The following TNKS variants were observed in gnomAD, a reference collection of about 807,000 sequenced individuals.
TNKS encodes the protein poly [ADP-ribose] polymerase tankyrase-1.
Under a neutral mutation model 135.8 loss-of-function variants are expected in TNKS, and 72 were observed. The observed-to-expected ratio is 0.53, with a 90% CI of 0.44 to 0.64. The LOEUF is 0.64. Ranked by LOEUF, TNKS falls within the 30% of genes least tolerant of loss-of-function variation. The pLI, the probability that TNKS is intolerant of heterozygous loss-of-function variation, is 0.00. For missense variants in TNKS, 1,769 were observed against 1,674.0 expected, an observed-to-expected ratio of 1.06 and a Z score of -0.99; for synonymous variants, 849 against 649.3, an observed-to-expected ratio of 1.31 and a Z score of -4.68.
intron 3 of TNKS, among the ~76,000 whole-genome samples, chr8:9,621,340 T>A (rs538114571): frequency 6.6e-6 from 1 of 151,914 alleles, no homozygotes; most frequent in South Asian, 2.1e-4. Flanking sequence ...GTTTCACTCT[T>A]GTTGCCCAGG....
intron 3 of TNKS, among the ~76,000 whole-genome samples, chr8:9,652,975 T>G (rs57580633): frequency 0.091 from 13,873 of 152,244 alleles, 703 homozygotes; most frequent in South Asian, 0.17. Context: ...GTTATCCTCC[T>G]TGTTAGAACT....
rs942497130 is a variant in TNKS at position 9,777,632 on chromosome 8, A to G, written c.*896A>G. On this transcript the variant is annotated 3_prime_UTR_variant, in exon 27 of 27. Coordinates refer to ENST00000310430, the MANE Select transcript of TNKS (RefSeq NM_003747.3). ...GGGGAGGCTGTGAAGGAAGAGCTGCATTAAGGAGGGTGAGGAGCGTGTGGT... is the reference window on the plus strand; with the variant it reads ...GGGGAGGCTGTGAAGGAAGAGCTGCGTTAAGGAGGGTGAGGAGCGTGTGGT... The G allele has an allele frequency of 3.9e-5, 6 of 152,500 alleles. No homozygotes were observed. Among genetic ancestry groups the G allele is most frequent in the Admixed American group, 2.0e-4 (3 of 15,296 alleles). 9.4% of individuals were successfully genotyped at this position (152,500 alleles called of 1,614,324 possible). A position where few individuals can be genotyped will look rare whatever the true frequency, so the allele number is the denominator to read the frequency against.
intron 3 of TNKS, among the ~76,000 whole-genome samples, chr8:9,667,336 C>G (rs966908835): frequency 1.3e-5 from 2 of 152,138 alleles, no homozygotes; most frequent in Non-Finnish European, 2.9e-5. Flanking sequence ...ATGAACAAAG[C>G]GTATTGTGAT....
intron 3 of TNKS, among the ~76,000 whole-genome samples, chr8:9,659,240 A>G (rs1462872263): frequency 6.6e-6 from 1 of 152,238 alleles, no homozygotes; most frequent in Non-Finnish European, 1.5e-5. Context: ...TGGACCTAAT[A>G]GACATCTACA....
intron 3 of TNKS, among the ~76,000 whole-genome samples, chr8:9,624,411 T>C (rs1799981079): frequency 6.6e-6 from 1 of 152,254 alleles, no homozygotes; most frequent in Non-Finnish European, 1.5e-5. Flanking sequence ...TTCTTCAAGA[T>C]TTTTATTAAA....
chr8:9,734,470 CT>C (rs1805591137), intron 15 of TNKS, among the ~76,000 whole-genome samples: 1 of 26,590 alleles, frequency 3.8e-5, no homozygotes, highest in Admixed American at 3.3e-4. Context: ...GTGTGTCTTA[CT>C]CTACTCTCTT....
chr8:9,679,689 C>T (rs774557235), intron 3 of TNKS: 4 of 407,572 alleles, frequency 9.8e-6, no homozygotes, highest in South Asian at 4.0e-5. Flanking sequence ...TTTCTGGACA[C>T]GAGATTTAGC....
chr8:9,616,734 T>A (rs181544200), intron 3 of TNKS, among the ~76,000 whole-genome samples: 1,633 of 152,292 alleles, frequency 0.011, 13 homozygotes, highest in African/African-American at 0.022. Context: ...ATGACTTTTC[T>A]CAATCAAAGA....
At chr8:9,623,875 G>T (rs781348166) in intron 3 of TNKS, among the ~76,000 whole-genome samples, 3 of 151,998 alleles carry the variant, frequency 2.0e-5, no homozygotes, top group South Asian at 4.1e-4. Context: ...GGTGGTGGGC[G>T]CCTGTAATCC....
intron 26 of TNKS, among the ~76,000 whole-genome samples, chr8:9,771,408 GAGAC>G (rs1563225346): frequency 9.8e-6 from 1 of 102,332 alleles, no homozygotes; most frequent in African/African-American, 3.0e-5. Flanking sequence ...GAAAGAAAGG[GAGAC>G]AGATACTAAG....
intron 3 of TNKS, chr8:9,670,074 A>G (rs1034080716): frequency 6.6e-6 from 1 of 152,184 alleles, no homozygotes. Flanking sequence ...TTGTGATGTC[A>G]TGATTGCTTT....
At position 9,710,176 on chromosome 8, in the gene TNKS, G is replaced by T. The variant is rs757193969; in HGVS notation, c.1705G>T (p.Ala569Ser). 4 of 1,614,182 alleles carry T rather than the reference G, an allele frequency of 2.5e-6. No homozygotes were observed. In the East Asian group the frequency reaches 6.7e-5, roughly 27 times the overall value. The change falls in exon 11 of 27, where the codon GCC becomes TCC. Residue 569 changes from alanine to serine, a missense_variant. By Grantham distance (99) the Ala-to-Ser change is moderately conservative (BLOSUM62 1). Around this residue, in one of 5 missense-constraint regions of TNKS, gnomAD observed 523 missense variants for 541.0 expected, o/e 0.97. Coordinates refer to ENST00000310430, the MANE Select transcript of TNKS (RefSeq NM_003747.3). ...TCCCCTGCATGTTGCAGCCGAAAGA[G>T]CCCATAATGATGTCATGGAAGTTCT... ...MTPLHVAAER[A>S]HNDVMEVLHK...
At chr8:9,665,650 A>T (rs1174527135) in intron 3 of TNKS, among the ~76,000 whole-genome samples, 1 of 152,198 alleles carries the variant, frequency 6.6e-6, no homozygotes, top group Non-Finnish European at 1.5e-5. Flanking sequence ...ATACATGTGA[A>T]TGAGGTAGCC....
chr8:9,752,747 G>A, intron 20 of TNKS, 121 bp downstream of exon 20: 2 of 613,590 alleles, frequency 3.3e-6, no homozygotes, highest in South Asian at 2.8e-5. Context: ...TTGAGCCCAG[G>A]AGTTTGAGAC....
chr8:9,708,271 A>G (rs1804147406), intron 8 of TNKS, 100 bp from the exon 9 acceptor site: 2 of 1,097,794 alleles, frequency 1.8e-6, no homozygotes, highest in Non-Finnish European at 2.5e-6. Context: ...AAAATAGAGA[A>G]ATTCATAAAA....
At chr8:9,732,890 T>C (rs187926344) in intron 14 of TNKS, among the ~76,000 whole-genome samples, 1 of 152,288 alleles carries the variant, frequency 6.6e-6, no homozygotes, top group Admixed American at 6.5e-5. Context: ...ACCACTATGA[T>C]TAAACCACTA....
chr8:9,574,014 T>A (rs1434301791), intron 1 of TNKS, among the ~76,000 whole-genome samples: 3 of 152,192 alleles, frequency 2.0e-5, no homozygotes, highest in Non-Finnish European at 2.9e-5. Context: ...AAATTTGATA[T>A]TGAAATATTT....
At chr8:9,580,473 A>C in intron 2 of TNKS, 90 bp downstream of exon 2, 1 of 1,179,606 alleles carries the variant, frequency 8.5e-7, no homozygotes, top group Middle Eastern at 2.0e-4. Flanking sequence ...AGAATAGGTA[A>C]GGAAGGGTTT....
intron 12 of TNKS, among the ~76,000 whole-genome samples, chr8:9,723,582 C>T (rs2128813862): frequency 6.6e-6 from 1 of 152,300 alleles, no homozygotes. Context: ...TATGAATTAG[C>T]ACTTTAAAAC....
Sources: gnomAD v4.1 joint callset for allele counts (sites outside exome capture counted in the v4.1 genomes callset) on GRCh38, gnomAD v4.1.1 for gene constraint, gnomAD v4.1.1 regional missense constraint, MANE v1.5 for transcripts, NCBI Gene and HGNC (gene_info 2026-07-23, HGNC 2026-07-21) for gene names.